Variants in CARMIL1 observed in about 807,000 individuals in gnomAD.
The protein encoded by CARMIL1 is F-actin-uncapping protein LRRC16A.
In CARMIL1, 90 loss-of-function variants were observed where a neutral mutation model predicts 177.1. That is an observed-to-expected ratio of 0.51 (90% confidence interval 0.43 to 0.61). CARMIL1 has a LOEUF of 0.61. Ranked by LOEUF, CARMIL1 falls within the 20% of genes least tolerant of loss-of-function variation. CARMIL1 has a pLI of 0.00. For missense variants in CARMIL1, 1,380 were observed against 1,667.0 expected, an observed-to-expected ratio of 0.83 and a Z score of 3.00; for synonymous variants, 577 against 606.2, an observed-to-expected ratio of 0.95 and a Z score of 0.71.
intron 2 of CARMIL1, chr6:25,287,575 C>T (rs1217952381): frequency 2.0e-5 from 3 of 152,656 alleles, no homozygotes; most frequent in African/African-American, 7.2e-5. Context: ...TGGCCAAGTG[C>T]CAGAGACTGT....
Position 25,522,942 on chromosome 6 carries a change from C to T in CARMIL1, c.1968+2605C>T, listed in dbSNP as rs578016398. ...CTCCCATCTCAACCAGGACTACAAG[C>T]GTATGCCACTGTGCCCAGCTAATTT... On this transcript the variant is annotated intron_variant, in intron 23 of 36. Transcript: ENST00000329474. Among the ~76,000 whole-genome samples the T allele has an allele frequency of 5.9e-5, 9 of 152,216 alleles. No homozygotes were observed. In the South Asian group the frequency reaches 1.5e-3, roughly 25 times the overall value.
chr6:25,310,691 G>A (rs1783739130), intron 2 of CARMIL1, among the ~76,000 whole-genome samples: 1 of 152,170 alleles, frequency 6.6e-6, no homozygotes. Flanking sequence ...AGATTGGAGA[G>A]ATACAGGAGA....
intron 2 of CARMIL1, among the ~76,000 whole-genome samples, chr6:25,297,316 C>G (rs1782485818): frequency 6.6e-6 from 1 of 152,220 alleles, no homozygotes; most frequent in East Asian, 1.9e-4. Context: ...TCTTGGATGT[C>G]TTGCTCCTTA....
At position 25,449,764 on chromosome 6, in the gene CARMIL1, T is replaced by C. The variant is rs189355056; in HGVS notation, c.372-134T>C. The C allele has an allele frequency of 6.8e-5, 37 of 546,906 alleles. No individual in the cohort carries two copies. In the East Asian group the frequency reaches 1.0e-3, roughly 15 times the overall value. The allele number at this position is 546,906 out of a possible 1,614,324, so 33.9% of individuals were successfully genotyped here. ...TCTAGTGCTCAAAAAAATTGAAAAT[T>C]GAAAAATTGAAGAAAAACTGAAATT... On this transcript the variant is annotated intron_variant, in intron 5 of 36. Transcript: ENST00000329474.
chr6:25,579,353 C>T (rs1272335540), intron 29 of CARMIL1, among the ~76,000 whole-genome samples: 1 of 151,406 alleles, frequency 6.6e-6, no homozygotes, highest in Admixed American at 6.6e-5. Context: ...AAAATTATAT[C>T]TGAAGCTACT....
At chr6:25,325,952 C>A (rs1026474702) in intron 2 of CARMIL1, among the ~76,000 whole-genome samples, 2 of 152,076 alleles carry the variant, frequency 1.3e-5, no homozygotes, top group Non-Finnish European at 2.9e-5. Context: ...TCACTGCAAT[C>A]CCCACCTCCT....
intron 29 of CARMIL1, among the ~76,000 whole-genome samples, chr6:25,578,033 AT>A (rs1812761263): frequency 6.6e-6 from 1 of 152,114 alleles, no homozygotes; most frequent in Non-Finnish European, 1.5e-5. Context: ...TGCAAGATGC[AT>A]TTTTTAAGAT....
chr6:25,510,942 T>TTAC (rs35951877), intron 20 of CARMIL1, among the ~76,000 whole-genome samples, 180 bp downstream of exon 20: 66,074 of 151,714 alleles, frequency 0.44, 14,743 homozygotes, highest in Middle Eastern at 0.52. Context: ...ATTTAAAAAC[T>TTAC]TTTTTTACTT....
intron 30 of CARMIL1, 121 bp downstream of exon 30, chr6:25,581,111 T>A: frequency 7.9e-7 from 1 of 1,272,886 alleles, no homozygotes; most frequent in Non-Finnish European, 1.1e-6. Context: ...TGAGAAAGAG[T>A]TCAGTGATCT....
chr6:25,454,385 G>A (rs1220094851), intron 8 of CARMIL1, among the ~76,000 whole-genome samples: 1 of 152,180 alleles, frequency 6.6e-6, no homozygotes, highest in Non-Finnish European at 1.5e-5. Flanking sequence ...GTATTGCTAT[G>A]TTCTGATAAA....
chr6:25,490,750 T>A (rs765344325), intron 13 of CARMIL1, among the ~76,000 whole-genome samples: 21 of 50,846 alleles, frequency 4.1e-4, no homozygotes, highest in South Asian at 1.5e-3. Flanking sequence ...AATAAATAAA[T>A]AAAAAAAAAT....
At chr6:25,313,981 T>A (rs1399462776) in intron 2 of CARMIL1, among the ~76,000 whole-genome samples, 1 of 151,544 alleles carries the variant, frequency 6.6e-6, no homozygotes, top group Non-Finnish European at 1.5e-5. Context: ...ATTGATTCTA[T>A]GTTTTCTTTG....
intron 2 of CARMIL1, among the ~76,000 whole-genome samples, chr6:25,305,697 T>C (rs1323076668): frequency 6.6e-6 from 1 of 152,206 alleles, no homozygotes; most frequent in Non-Finnish European, 1.5e-5. Flanking sequence ...TTGTAAGTGG[T>C]CCCTGCTAGC....
At chr6:25,498,746 G>A (rs985427321) in intron 16 of CARMIL1, among the ~76,000 whole-genome samples, 6 of 152,096 alleles carry the variant, frequency 3.9e-5, no homozygotes, top group Admixed American at 2.6e-4. Context: ...CCCATTACTC[G>A]CTGGGCTGGG....
Position 25,412,882 on chromosome 6 carries a change from A to G in CARMIL1, c.139-7232A>G, listed in dbSNP as rs143817866. ...CAATGTATCCCACAGCTGCCCATGAAGAGTGAAGCTCTAATTTTGAAAAGG... is the reference window on the plus strand; with the variant it reads ...CAATGTATCCCACAGCTGCCCATGAGGAGTGAAGCTCTAATTTTGAAAAGG... On this transcript the variant is annotated intron_variant, in intron 2 of 36. Transcript: ENST00000329474. Among the ~76,000 whole-genome samples the G allele has an allele frequency of 4.9e-4, 74 of 152,324 alleles. No individual in the cohort carries two copies. The East Asian group carries it at 0.012, about 25-fold the overall frequency.
intron 31 of CARMIL1, among the ~76,000 whole-genome samples, chr6:25,583,500 A>T (rs1813324914): frequency 6.6e-6 from 1 of 152,224 alleles, no homozygotes; most frequent in African/African-American, 2.4e-5. Flanking sequence ...TGGGTTTTGA[A>T]TATAGTAGGG....
intron 2 of CARMIL1, among the ~76,000 whole-genome samples, chr6:25,336,872 G>A (rs1303409046): frequency 6.6e-6 from 1 of 152,156 alleles, no homozygotes; most frequent in African/African-American, 2.4e-5. Context: ...ACCCTTTAAG[G>A]AGCAATGTAT....
chr6:25,281,445 G>T (rs1015100213), intron 1 of CARMIL1, among the ~76,000 whole-genome samples: 4 of 152,148 alleles, frequency 2.6e-5, no homozygotes, highest in African/African-American at 9.7e-5. Context: ...GAAATGGAAA[G>T]TGTAGGTAAT....
chr6:25,450,568 C>A (rs1157209725), intron 7 of CARMIL1, 70 bp from the exon 8 acceptor site: 8 of 1,075,234 alleles, frequency 7.4e-6, no homozygotes, highest in Non-Finnish European at 1.1e-5. Context: ...TTGTCTAATT[C>A]TCACTGTCTC....
Sources: gnomAD v4.1 joint callset for allele counts (sites outside exome capture counted in the v4.1 genomes callset) on GRCh38, gnomAD v4.1.1 for gene constraint, MANE v1.5 for transcripts, NCBI Gene and HGNC (gene_info 2026-07-23, HGNC 2026-07-21) for gene names.